PRKN: variants seen among roughly 807,000 people sequenced by gnomAD.
PRKN encodes E3 ubiquitin-protein ligase parkin.
Under a neutral mutation model 59.5 loss-of-function variants are expected in PRKN, and 56 were observed. The ratio of observed to expected loss-of-function variants is 0.94; its 90% CI spans 0.76 to 1.18. The LOEUF is 1.18. Ranked by LOEUF, PRKN falls within the 50% of genes most tolerant of loss-of-function variation. The pLI is 0.00. For missense variants in PRKN, 657 were observed against 596.4 expected (o/e 1.10, Z -1.06); for synonymous variants, 250 against 222.1 (o/e 1.13, Z -1.12).
intron 6 of PRKN, among the ~76,000 whole-genome samples, chr6:161,817,027 CACACAT>C (rs1399505696): frequency 6.6e-6 from 1 of 152,134 alleles, no homozygotes; most frequent in African/African-American, 2.4e-5. Flanking sequence ...CGTACTCACA[CACACAT>C]AAAGTTTTTG....
Position 162,443,764 on chromosome 6 carries a change from T to A in PRKN, c.8-291A>T, listed in dbSNP as rs574611246. The stretch of plus-strand genomic sequence containing the variant: ...AACAGAGAGACTTGAGCAGGACACT[T>A]GCTTGATTGGAATTGAAAGAGTCCC... On this transcript the variant is annotated intron_variant, in intron 1 of 11. Transcript: ENST00000366898. Among the ~76,000 whole-genome samples, 3 of 152,238 alleles carry A rather than the reference T, an allele frequency of 2.0e-5. No individual in the cohort carries two copies. The East Asian group carries it at 5.8e-4, about 29-fold the overall frequency.
chr6:161,836,495 TGA>T (rs1792762872), intron 6 of PRKN, among the ~76,000 whole-genome samples: 1 of 152,208 alleles, frequency 6.6e-6, no homozygotes, highest in Non-Finnish European at 1.5e-5. Context: ...AAAGCGTGAA[TGA>T]GAGTTCAGGG....
chr6:161,420,663 C>G (rs974829701), intron 9 of PRKN, among the ~76,000 whole-genome samples: 1 of 152,054 alleles, frequency 6.6e-6, no homozygotes, highest in Non-Finnish European at 1.5e-5. Flanking sequence ...GCACGCGCCA[C>G]CATGCCTGGC....
chr6:161,413,020 T>C lies in PRKN; in HGVS notation c.1084-26143A>G, dbSNP rs1277014654. ...GAGACAGGCTCTGTCTGCTCTTGCC[T>C]GCCTTCCTGACTGCTGGACTAGAAT... On this transcript the variant is annotated intron_variant, in intron 9 of 11. Transcript: ENST00000366898. This position sits in a 1 kb window ranked among gnomAD's most constrained non-coding sequence, Gnocchi z 4.4. Among the ~76,000 whole-genome samples, 2 of 152,240 alleles carry C rather than the reference T, an allele frequency of 1.3e-5. No homozygotes were observed. Among genetic ancestry groups the C allele is most frequent in the South Asian group, 2.1e-4 (1 of 4,838 alleles).
chr6:162,295,121 C>G (rs917218178), intron 2 of PRKN, among the ~76,000 whole-genome samples: 1 of 152,184 alleles, frequency 6.6e-6, no homozygotes, highest in Non-Finnish European at 1.5e-5. Context: ...GCGGCATGCA[C>G]GCAGCCTCCC....
At chr6:162,075,387 T>A (rs1778778772) in intron 4 of PRKN, among the ~76,000 whole-genome samples, 1 of 151,420 alleles carries the variant, frequency 6.6e-6, no homozygotes, top group African/African-American at 2.5e-5. Flanking sequence ...AAAATTAAGC[T>A]TTATGAATAA....
intron 4 of PRKN, among the ~76,000 whole-genome samples, chr6:162,192,687 A>G (rs548578802): frequency 6.6e-6 from 1 of 152,056 alleles, no homozygotes; most frequent in Non-Finnish European, 1.5e-5. Flanking sequence ...TATAGTATAC[A>G]TACAACAAAA....
At position 161,429,563 on chromosome 6, in the gene PRKN, C is replaced by T. The variant is rs911873218; in HGVS notation, c.1084-42686G>A. On this transcript the variant is annotated intron_variant, in intron 9 of 11. Transcript: ENST00000366898. The surrounding 1 kb of genome is among the most constrained non-coding windows in gnomAD (Gnocchi z 4.2). ...CAAGTTCCAGAGCTCAGAAAACATT[C>T]TGAGATGGAACTAGAAGAACCTGGA... Among the ~76,000 whole-genome samples, 3 of 152,104 alleles carry T rather than the reference C, an allele frequency of 2.0e-5. No individual in the cohort carries two copies. Among genetic ancestry groups the T allele is most frequent in the Non-Finnish European group, 4.4e-5 (3 of 68,038 alleles).
At chr6:161,418,710 G>A (rs1353869395) in intron 9 of PRKN, among the ~76,000 whole-genome samples, 2 of 152,156 alleles carry the variant, frequency 1.3e-5, no homozygotes, top group Non-Finnish European at 1.5e-5. Context: ...TCTTTCACAG[G>A]TGTCTCCAAA....
rs1191268082 is a variant in PRKN at position 161,785,771 on chromosome 6, C to A, written c.871+1G>T. The A allele has an allele frequency of 6.2e-7, 1 of 1,613,746 alleles. No individual in the cohort carries two copies. The highest frequency in any genetic ancestry group is 1.3e-5 in the African/African-American group (1 of 75,044). On this transcript the variant is annotated splice_donor_variant, in intron 7 of 11. Transcript: ENST00000366898. LOFTEE classifies it high-confidence loss of function. ...ATGGAGAGAAAACATGCTAGACTTA[C>A]CCACACAAGGCAGGGAGTAGCCAAG...
intron 7 of PRKN, among the ~76,000 whole-genome samples, chr6:161,671,140 C>T (rs1784893870): frequency 6.6e-6 from 1 of 152,160 alleles, no homozygotes; most frequent in Non-Finnish European, 1.5e-5. Context: ...AGCCCGGGCG[C>T]AGATGGGATA....
At chr6:162,195,805 C>T (rs1331076855) in intron 4 of PRKN, among the ~76,000 whole-genome samples, 1 of 152,106 alleles carries the variant, frequency 6.6e-6, no homozygotes, top group Non-Finnish European at 1.5e-5. Flanking sequence ...GTGGATAACT[C>T]TGGTTACCTA....
At chr6:162,475,514 A>C (rs935115805) in intron 1 of PRKN, among the ~76,000 whole-genome samples, 1 of 152,258 alleles carries the variant, frequency 6.6e-6, no homozygotes, top group African/African-American at 2.4e-5. Flanking sequence ...ATAGAGACGT[A>C]AGAACCGCGC....
intron 1 of PRKN, among the ~76,000 whole-genome samples, chr6:162,451,738 T>TATTA (rs1329976169): frequency 6.6e-6 from 1 of 152,162 alleles, no homozygotes; most frequent in Non-Finnish European, 1.5e-5. Context: ...GTTAGGGACA[T>TATTA]ATTAGATAAT....
At chr6:162,587,490 G>C (rs149256885) in intron 1 of PRKN, among the ~76,000 whole-genome samples, 9 of 152,192 alleles carry the variant, frequency 5.9e-5, no homozygotes, top group Non-Finnish European at 1.2e-4. Flanking sequence ...ATAAAGACTA[G>C]TCTCACTTCT....
intron 9 of PRKN, among the ~76,000 whole-genome samples, chr6:161,476,052 T>G (rs904820703): frequency 6.6e-6 from 1 of 151,832 alleles, no homozygotes; most frequent in African/African-American, 2.4e-5. Flanking sequence ...CCGGGCGTGG[T>G]GGCGGGCGCC....
At chr6:162,241,518 T>C (rs1778989681) in intron 3 of PRKN, among the ~76,000 whole-genome samples, 1 of 152,094 alleles carries the variant, frequency 6.6e-6, no homozygotes, top group African/African-American at 2.4e-5. Flanking sequence ...TAAAGTGTTT[T>C]AAGACAAATT....
intron 5 of PRKN, among the ~76,000 whole-genome samples, chr6:162,013,699 T>G (rs892068682): frequency 2.6e-5 from 4 of 152,162 alleles, no homozygotes; most frequent in African/African-American, 9.7e-5. Flanking sequence ...CTGACTCTGG[T>G]TATCTCAATA....
At chr6:162,243,448 T>C (rs1266885336) in intron 3 of PRKN, among the ~76,000 whole-genome samples, 1 of 152,078 alleles carries the variant, frequency 6.6e-6, no homozygotes, top group Non-Finnish European at 1.5e-5. Flanking sequence ...GCTTCAAGTA[T>C]AAACGTATTA....
Sources: allele counts gnomAD v4.1 joint callset (sites outside exome capture counted in the v4.1 genomes callset), GRCh38; gene constraint gnomAD v4.1.1; non-coding constraint Gnocchi (gnomAD v3.1); transcripts MANE v1.5; gene names NCBI Gene and HGNC (gene_info 2026-07-23, HGNC 2026-07-21).